PTPRG: variants seen among roughly 807,000 people sequenced by gnomAD.
PTPRG encodes the protein receptor-type tyrosine-protein phosphatase gamma.
Under a neutral mutation model 165.3 loss-of-function variants are expected in PTPRG, and 102 were observed. The observed-to-expected ratio is 0.62, with a 90% confidence interval of 0.53 to 0.73. PTPRG has a LOEUF of 0.73. Ranked by LOEUF, PTPRG falls within the 30% of genes least tolerant of loss-of-function variation. The pLI is 0.00. For missense variants in PTPRG, 1,866 were observed against 1,861.4 expected (o/e 1.00, Z -0.05); for synonymous variants, 675 against 669.5 (o/e 1.01, Z -0.13).
At chr3:61,867,446 C>T (rs183755964) in intron 2 of PTPRG, among the ~76,000 whole-genome samples, 14 of 152,300 alleles carry the variant, frequency 9.2e-5, no homozygotes, top group Admixed American at 8.5e-4. Context: ...TTTCCCCTCT[C>T]TTCTTTCCCT....
chr3:62,140,399 G>A (rs73096564), intron 6 of PTPRG, among the ~76,000 whole-genome samples: 18,351 of 152,234 alleles, frequency 0.12, 1,322 homozygotes, highest in East Asian at 0.35. Context: ...GTTATAGACT[G>A]TTCATACAAT....
rs942260037 is a variant in PTPRG at position 62,245,829 on chromosome 3, T to C, written c.2467+1931T>C. ...GCATGACTCTCATGTTAAAATTGTG[T>C]CCCTGACACCGAACTACATCCACTA... On this transcript the variant is annotated intron_variant, in intron 15 of 29. Coordinates refer to ENST00000474889, the MANE Select transcript of PTPRG (RefSeq NM_002841.4). This position sits in a 1 kb window ranked among gnomAD's most constrained non-coding sequence, Gnocchi z 4.2. 2.0e-5 allele frequency among the ~76,000 whole-genome samples: 3 copies of C among 152,054 alleles called. No homozygotes were observed. The highest frequency in any genetic ancestry group is 4.8e-5 in the African/African-American group (2 of 41,410).
intron 6 of PTPRG, among the ~76,000 whole-genome samples, chr3:62,141,536 G>A (rs1703926101): frequency 6.6e-6 from 1 of 152,112 alleles, no homozygotes; most frequent in Non-Finnish European, 1.5e-5. Context: ...GGAGGCAGAG[G>A]TTTAGTGAGC....
chr3:62,188,438 C>CGTAT (rs1312764929), intron 8 of PTPRG, among the ~76,000 whole-genome samples: 2 of 152,238 alleles, frequency 1.3e-5, no homozygotes, highest in East Asian at 3.9e-4. Context: ...ATCAATTGTG[C>CGTAT]GTATGTACTT....
intron 1 of PTPRG, among the ~76,000 whole-genome samples, chr3:61,645,801 T>A (rs558700843): frequency 6.6e-6 from 1 of 152,236 alleles, no homozygotes; most frequent in African/African-American, 2.4e-5. Flanking sequence ...TTATGTACAA[T>A]AACAGGCAGT....
At chr3:61,590,184 G>A (rs1448159254) in intron 1 of PTPRG, among the ~76,000 whole-genome samples, 1 of 151,054 alleles carries the variant, frequency 6.6e-6, no homozygotes, top group Non-Finnish European at 1.5e-5. Flanking sequence ...ATCTACTCCT[G>A]GAGTAGGCAT....
chr3:62,272,803 C>G, intron 21 of PTPRG, 143 bp from the exon 22 acceptor site: 1 of 970,892 alleles, frequency 1.0e-6, no homozygotes, highest in Non-Finnish European at 1.4e-6. Flanking sequence ...CGCCACTGCA[C>G]TCCAGCCTGG....
chr3:61,653,886 A>G, intron 1 of PTPRG, among the ~76,000 whole-genome samples: 1 of 19,472 alleles, frequency 5.1e-5, no homozygotes, highest in Non-Finnish European at 1.1e-4. Flanking sequence ...GCAGGTTGTT[A>G]AGCGGGGAGC....
chr3:61,924,120 T>C (rs183097986), intron 2 of PTPRG, among the ~76,000 whole-genome samples: 2 of 152,350 alleles, frequency 1.3e-5, no homozygotes, highest in Admixed American at 1.3e-4. Context: ...ATGTTTCCTC[T>C]TGGGCTCACT....
Position 62,261,080 on chromosome 3 carries a change from G to A in PTPRG, c.2560-1718G>A, listed in dbSNP as rs1485845033. The A allele has an allele frequency of 2.0e-5, 3 of 152,098 alleles. No homozygotes were observed. In the East Asian group the frequency reaches 5.8e-4, roughly 29 times the overall value. The allele number at this position is 152,098 out of a possible 1,614,324, so 9.4% of individuals were successfully genotyped here. A position where few individuals can be genotyped will look rare whatever the true frequency, so the allele number is the denominator to read the frequency against. The stretch of plus-strand genomic sequence containing the variant: ...AAAGAGGCTCCAACTTCAGTCCATA[G>A]CTAGGGTGGTCAGATCTATACAACA... On this transcript the variant is annotated intron_variant, in intron 16 of 29. Transcript: ENST00000474889.
At chr3:61,943,426 A>G (rs547330029) in intron 2 of PTPRG, among the ~76,000 whole-genome samples, 12 of 152,156 alleles carry the variant, frequency 7.9e-5, no homozygotes, top group Non-Finnish European at 1.5e-4. Flanking sequence ...CTCCGTCTCT[A>G]CTAAAAAATA....
chr3:61,566,829 G>A (rs569124905), intron 1 of PTPRG, among the ~76,000 whole-genome samples: 20 of 152,316 alleles, frequency 1.3e-4, no homozygotes, highest in African/African-American at 3.8e-4. Context: ...ACAGTGACAC[G>A]TTGTTTGTTC....
chr3:62,245,936 C>G lies in PTPRG; in HGVS notation c.2467+2038C>G, dbSNP rs770948717. 5.9e-5 allele frequency among the ~76,000 whole-genome samples: 9 copies of G among 152,112 alleles called. No individual in the cohort carries two copies. Among genetic ancestry groups the G allele is most frequent in the Non-Finnish European group, 8.8e-5 (6 of 68,016 alleles). On this transcript the variant is annotated intron_variant, in intron 15 of 29. Transcript: ENST00000474889. The surrounding 1 kb of genome is among the most constrained non-coding windows in gnomAD (Gnocchi z 4.2). ...ACTAGGATCCTCTGAATATGCCTTG[C>G]AACACCTTTGAGTAGGTATATTAGA... is the stretch of plus-strand genomic sequence containing the variant.
chr3:61,776,361 A>G (rs2034381690), intron 2 of PTPRG, among the ~76,000 whole-genome samples: 1 of 152,172 alleles, frequency 6.6e-6, no homozygotes, highest in Non-Finnish European at 1.5e-5. Context: ...TTTTATTGGA[A>G]TAAAAAAATT....
chr3:62,199,733 T>A lies in PTPRG; in HGVS notation c.1328-1772T>A, dbSNP rs1700054935. Among the ~76,000 whole-genome samples, 3 of 152,350 alleles carry A rather than the reference T, an allele frequency of 2.0e-5. No individual in the cohort carries two copies. The South Asian group carries it at 6.2e-4, about 32-fold the overall frequency. ...CTCAGTGTATATAGGAAGCAGCTTT[T>A]CAGTTTATATAGCACTTTTGTTTTT... On this transcript the variant is annotated intron_variant, in intron 10 of 29. Transcript: ENST00000474889.
chr3:61,974,301 G>A (rs2040450458), intron 2 of PTPRG, among the ~76,000 whole-genome samples: 1 of 151,838 alleles, frequency 6.6e-6, no homozygotes, highest in African/African-American at 2.4e-5. Flanking sequence ...CTCAAATTTA[G>A]TATGTCCTTT....
intron 2 of PTPRG, among the ~76,000 whole-genome samples, chr3:61,955,872 T>G (rs2107633129): frequency 6.6e-6 from 1 of 152,270 alleles, no homozygotes; most frequent in South Asian, 2.1e-4. Context: ...TAAAAATACT[T>G]TGTTTCATAG....
At chr3:61,680,229 A>G (rs1318097084) in intron 1 of PTPRG, among the ~76,000 whole-genome samples, 8 of 152,056 alleles carry the variant, frequency 5.3e-5, no homozygotes, top group Non-Finnish European at 1.2e-4. Context: ...TTCACTCTCC[A>G]AAGAGTCCCT....
chr3:62,160,038 G>A (rs1704688924), intron 7 of PTPRG, among the ~76,000 whole-genome samples: 1 of 152,222 alleles, frequency 6.6e-6, no homozygotes, highest in African/African-American at 2.4e-5. Flanking sequence ...AAGCCAAGTA[G>A]TCAGGAATTC....
Sources: gnomAD v4.1 joint callset for allele counts (sites outside exome capture counted in the v4.1 genomes callset) on GRCh38, gnomAD v4.1.1 for gene constraint, Gnocchi (gnomAD v3.1) non-coding constraint, MANE v1.5 for transcripts, NCBI Gene and HGNC (gene_info 2026-07-23, HGNC 2026-07-21) for gene names.